CD200R1: variants seen among roughly 807,000 people sequenced by gnomAD.
CD200R1 encodes the protein CD200 receptor 1.
Under a neutral mutation model 38.1 loss-of-function variants are expected in CD200R1, and 30 were observed. That is an observed-to-expected ratio of 0.79 (90% CI 0.59 to 1.07). The LOEUF is 1.07. CD200R1 is among the 50% of genes least tolerant of loss of function. The pLI is 0.00. For synonymous variants in CD200R1, 128 were observed against 152.1 expected, an observed-to-expected ratio of 0.84 and a Z score of 1.16; for missense variants, 372 against 415.4, an observed-to-expected ratio of 0.90 and a Z score of 0.91.
At chr3:112,950,177 A>T (rs995425004) in intron 1 of CD200R1, among the ~76,000 whole-genome samples, 1 of 152,198 alleles carries the variant, frequency 6.6e-6, no homozygotes, top group Non-Finnish European at 1.5e-5. Flanking sequence ...GTATGTCTGT[A>T]TGTTGGTATT....
At chr3:112,955,265 T>C (rs1266860673) in intron 1 of CD200R1, among the ~76,000 whole-genome samples, 1 of 152,138 alleles carries the variant, frequency 6.6e-6, no homozygotes, top group Non-Finnish European at 1.5e-5. Context: ...GTCTACAATG[T>C]AGTTTAAATG....
At chr3:112,955,651 G>C (rs1317652243) in intron 1 of CD200R1, among the ~76,000 whole-genome samples, 1 of 151,796 alleles carries the variant, frequency 6.6e-6, no homozygotes, top group Non-Finnish European at 1.5e-5. Flanking sequence ...TGGGATTACA[G>C]GTGCCCACCA....
At chr3:112,955,539 C>T (rs1431405946) in intron 1 of CD200R1, among the ~76,000 whole-genome samples, 3 of 140,846 alleles carry the variant, frequency 2.1e-5, no homozygotes, top group African/African-American at 5.3e-5. Flanking sequence ...GACGGAGTTT[C>T]GCTCTGTCAC....
intron 7 of CD200R1, 93 bp downstream of exon 7, chr3:112,924,397 A>C (rs1272939970): frequency 3.0e-6 from 3 of 993,862 alleles, no homozygotes; most frequent in Non-Finnish European, 4.0e-6. Flanking sequence ...TTTTCAACTG[A>C]AACACTAATA....
chr3:112,948,348 G>A (rs1940908585), intron 1 of CD200R1, among the ~76,000 whole-genome samples: 1 of 152,174 alleles, frequency 6.6e-6, no homozygotes, highest in South Asian at 2.1e-4. Context: ...TCACATCATA[G>A]AATCTATGAT....
chr3:112,929,559 T>C, intron 3 of CD200R1, 52 bp from the exon 4 acceptor site: 1 of 1,479,264 alleles, frequency 6.8e-7, no homozygotes, highest in Non-Finnish European at 9.1e-7. Context: ...GAACTTCATG[T>C]GTTACATTTA....
At chr3:112,957,732 A>C (rs1384753337) in intron 1 of CD200R1, among the ~76,000 whole-genome samples, 1 of 152,194 alleles carries the variant, frequency 6.6e-6, no homozygotes, top group African/African-American at 2.4e-5. Flanking sequence ...TGTTTGCAAT[A>C]TACATATCTA....
intron 1 of CD200R1, among the ~76,000 whole-genome samples, chr3:112,960,507 A>G (rs545574938): frequency 6.6e-6 from 1 of 152,240 alleles, no homozygotes; most frequent in East Asian, 1.9e-4. Context: ...AACAACAAAT[A>G]CAAACTTAAA....
At chr3:112,941,417 G>A (rs1043938236) in intron 2 of CD200R1, among the ~76,000 whole-genome samples, 3 of 151,476 alleles carry the variant, frequency 2.0e-5, no homozygotes, top group Non-Finnish European at 4.4e-5. Context: ...ATAAATATGT[G>A]CAATTATTAT....
At chr3:112,937,133 AG>A (rs1221242603) in intron 2 of CD200R1, among the ~76,000 whole-genome samples, 3 of 152,160 alleles carry the variant, frequency 2.0e-5, no homozygotes, top group African/African-American at 7.2e-5. Context: ...TCACGACAGA[AG>A]GGGAAGCAGA....
Position 112,928,818 on chromosome 3 carries a change from G to T in CD200R1, c.767C>A (p.Pro256His), listed in dbSNP as rs1354297284. Residue 256 changes from proline (P) to histidine (H), a missense_variant and splice_region_variant, in exon 5 of 8, where the codon CCT becomes CAT. Transcript: ENST00000308611. ...ATAAAACTAAAAGAATTACTGACCA[G>T]GAAGTAGCTCTATGTACAGACTCTT... ...GNKSLYIELL[P>H]VPGAKKSAKL... is the part of the protein sequence containing the mutation. 10 of 1,605,442 alleles carry T rather than the reference G, an allele frequency of 6.2e-6. No individual in the cohort carries two copies. In the South Asian group the frequency reaches 1.1e-4, roughly 18 times the overall value.
At chr3:112,961,954 T>C (rs1933030098) in intron 1 of CD200R1, among the ~76,000 whole-genome samples, 1 of 151,948 alleles carries the variant, frequency 6.6e-6, no homozygotes, top group Non-Finnish European at 1.5e-5. Context: ...AACATACAGA[T>C]GGGTTATAAA....
intron 1 of CD200R1, among the ~76,000 whole-genome samples, chr3:112,960,418 T>C (rs1932987617): frequency 6.6e-6 from 1 of 152,092 alleles, no homozygotes; most frequent in Admixed American, 6.5e-5. Flanking sequence ...GTTTGTTACT[T>C]ATGAACCAGA....
chr3:112,946,339 C>T (rs1327513553), intron 2 of CD200R1, among the ~76,000 whole-genome samples: 2 of 152,132 alleles, frequency 1.3e-5, no homozygotes, highest in Admixed American at 6.5e-5. Context: ...CCAAATATTT[C>T]CAATCCATGG....
intron 1 of CD200R1, among the ~76,000 whole-genome samples, chr3:112,958,662 A>G (rs527336076): frequency 6.6e-6 from 1 of 152,186 alleles, no homozygotes; most frequent in African/African-American, 2.4e-5. Flanking sequence ...GAGATAACTA[A>G]AAACAGCATC....
chr3:112,961,307 A>G (rs1327695892), intron 1 of CD200R1, among the ~76,000 whole-genome samples: 1 of 152,122 alleles, frequency 6.6e-6, no homozygotes, highest in African/African-American at 2.4e-5. Context: ...AAATACTATT[A>G]TAAGAACTAG....
intron 2 of CD200R1, among the ~76,000 whole-genome samples, chr3:112,944,585 C>CTGCTTTTCTAACTAA (rs1940802760): frequency 6.6e-6 from 1 of 152,020 alleles, no homozygotes. Context: ...CTTTTCACCA[C>CTGCTTTTCTAACTAA]TGCTTTTCTA....
chr3:112,928,949 CT>C lies in CD200R1; in HGVS notation c.635del (p.Lys212SerfsTer10). On this transcript the variant is annotated frameshift_variant, in exon 5 of 8. Transcript: ENST00000308611. LOFTEE classifies it high-confidence loss of function. ...CTGTGCCATTGCTCCAGTATTCTTG[CT>C]TAGTGGCACAATCGCCCTCTGGGAT... is the stretch of plus-strand genomic sequence containing the variant. The part of the protein sequence containing the change: ...SWIPEGDCAT[K>X]QEYWSNGTVT... The C allele has an allele frequency of 1.2e-6, 2 of 1,614,008 alleles. No individual in the cohort carries two copies. The highest frequency in any genetic ancestry group is 1.7e-6 in the Non-Finnish European group (2 of 1,179,968).
intron 1 of CD200R1, among the ~76,000 whole-genome samples, chr3:112,948,191 T>C (rs1940905558): frequency 6.6e-6 from 1 of 152,186 alleles, no homozygotes; most frequent in South Asian, 2.1e-4. Context: ...TCAAGTCTTC[T>C]TCCAGGCTTT....
Sources: gnomAD v4.1 joint callset for allele counts (sites outside exome capture counted in the v4.1 genomes callset) on GRCh38, gnomAD v4.1.1 for gene constraint, MANE v1.5 for transcripts, NCBI Gene and HGNC (gene_info 2026-07-23, HGNC 2026-07-21) for gene names.